The following PAX5 variants were observed in gnomAD, a reference collection of about 807,000 sequenced individuals.
PAX5 encodes paired box 5.
PAX5 carries 9 observed loss-of-function variants against 43.7 expected under a neutral mutation model. That is an observed-to-expected ratio of 0.21 (90% confidence interval 0.12 to 0.36). PAX5 has a LOEUF of 0.36. PAX5 is among the 10% of genes least tolerant of loss of function. PAX5 has a pLI of 1.00. For missense variants in PAX5, 383 were observed against 532.7 expected (o/e 0.72, Z 2.77); for synonymous variants, 228 against 214.3 (o/e 1.06, Z -0.56).
intron 3 of PAX5, among the ~76,000 whole-genome samples, chr9:37,011,786 A>G (rs959903094): frequency 1.2e-4 from 18 of 152,248 alleles, no homozygotes; most frequent in Admixed American, 5.9e-4. Flanking sequence ...CCCTGTGGCT[A>G]TAAGAATAGC....
At chr9:37,020,872 G>C in intron 1 of PAX5, 71 bp from the exon 2 acceptor site, 2 of 1,531,396 alleles carry the variant, frequency 1.3e-6, no homozygotes, top group Non-Finnish European at 1.8e-6. Flanking sequence ...AAGCACCGCT[G>C]TGAGGACCCA....
chr9:36,973,135 A>AAAGAAAAGGAAAGG (rs1564026797), intron 5 of PAX5, among the ~76,000 whole-genome samples: 7 of 74,748 alleles, frequency 9.4e-5, no homozygotes, highest in African/African-American at 3.8e-4. Flanking sequence ...GAAAGGAAAG[A>AAAGAAAAGGAAAGG]AAAGGAAAGG....
At chr9:36,881,144 A>G (rs1563926290) in intron 8 of PAX5, among the ~76,000 whole-genome samples, 1 of 152,330 alleles carries the variant, frequency 6.6e-6, no homozygotes, top group East Asian at 1.9e-4. Flanking sequence ...TCATTCCACA[A>G]TGCATACACT....
rs1026099516 is a variant in PAX5, at chr9:36,867,979, G to A, written c.1012+14025C>T. Among the ~76,000 whole-genome samples, 19 of 152,272 alleles carry A rather than the reference G, an allele frequency of 1.2e-4. No homozygotes were observed. In the East Asian group the frequency reaches 2.1e-3, roughly 17 times the overall value. ...TTGGGCTCCCCTTGCCTGTCACCCC[G>A]CGTTCCCGGCCCCGGGAGGACAATG... On this transcript the variant is annotated intron_variant, in intron 8 of 9. Coordinates refer to ENST00000358127, the MANE Select transcript of PAX5 (RefSeq NM_016734.3).
intron 5 of PAX5, among the ~76,000 whole-genome samples, chr9:36,987,729 G>A (rs1388236838): frequency 6.6e-6 from 1 of 152,208 alleles, no homozygotes; most frequent in Non-Finnish European, 1.5e-5. Flanking sequence ...AGCAGGAAAG[G>A]GGAAAGGGGC....
At chr9:36,968,810 C>T (rs1293574972) in intron 5 of PAX5, among the ~76,000 whole-genome samples, 1 of 152,216 alleles carries the variant, frequency 6.6e-6, no homozygotes, top group African/African-American at 2.4e-5. Context: ...GTCACCTAGA[C>T]TAGCAGGTAT....
chr9:36,889,950 G>C (rs923988626), intron 7 of PAX5, among the ~76,000 whole-genome samples: 47 of 140,960 alleles, frequency 3.3e-4, no homozygotes, highest in South Asian at 2.5e-4. Flanking sequence ...ACGGGGGGGG[G>C]GGGAATGTGA....
intron 1 of PAX5, among the ~76,000 whole-genome samples, chr9:37,023,221 A>C (rs1473367976): frequency 6.6e-6 from 1 of 152,204 alleles, no homozygotes; most frequent in African/African-American, 2.4e-5. Flanking sequence ...GGCCAAGAAA[A>C]GAAAGACGAA....
chr9:36,864,024 G>T (rs1173274728), intron 8 of PAX5, among the ~76,000 whole-genome samples: 1 of 152,340 alleles, frequency 6.6e-6, no homozygotes, highest in East Asian at 1.9e-4. Context: ...TAGAAGAATT[G>T]CTTGAACCCA....
At chr9:36,862,982 C>T (rs1036175391) in intron 8 of PAX5, among the ~76,000 whole-genome samples, 8 of 152,200 alleles carry the variant, frequency 5.3e-5, no homozygotes, top group Non-Finnish European at 1.0e-4. Flanking sequence ...CACCGGCTGA[C>T]TGGACAAGTG....
intron 6 of PAX5, among the ~76,000 whole-genome samples, chr9:36,938,754 A>T (rs548433851): frequency 3.9e-5 from 6 of 152,358 alleles, no homozygotes; most frequent in Admixed American, 3.3e-4. Flanking sequence ...GCTCACAAAG[A>T]GAAAAATCGT....
At chr9:36,921,835 C>T (rs1215199423) in intron 7 of PAX5, among the ~76,000 whole-genome samples, 1 of 152,226 alleles carries the variant, frequency 6.6e-6, no homozygotes, top group Non-Finnish European at 1.5e-5. Context: ...CAAGCCACCG[C>T]CCCTCCCTGA....
At chr9:36,955,776 A>T (rs1301938136) in intron 6 of PAX5, among the ~76,000 whole-genome samples, 13 of 73,764 alleles carry the variant, frequency 1.8e-4, no homozygotes, top group Admixed American at 1.2e-3. Context: ...GTTTCAAAAA[A>T]AAAAAAATAT....
chr9:36,987,018 A>G (rs985402097), intron 5 of PAX5, among the ~76,000 whole-genome samples: 5 of 152,166 alleles, frequency 3.3e-5, no homozygotes, highest in African/African-American at 1.2e-4. Flanking sequence ...GTGCCGAGCC[A>G]CGGATGGGCA....
chr9:37,004,156 T>A (rs765817399), intron 4 of PAX5, among the ~76,000 whole-genome samples: 1 of 152,232 alleles, frequency 6.6e-6, no homozygotes, highest in Non-Finnish European at 1.5e-5. Flanking sequence ...ATAGGGGCAG[T>A]GGTTGGTGAC....
At chr9:36,913,957 G>C (rs571922532) in intron 7 of PAX5, among the ~76,000 whole-genome samples, 2 of 152,288 alleles carry the variant, frequency 1.3e-5, no homozygotes, top group Admixed American at 1.3e-4. Context: ...TGAATGCCGT[G>C]TGGTGAAACA....
intron 5 of PAX5, among the ~76,000 whole-genome samples, chr9:36,967,570 T>G (rs748252631): frequency 6.6e-6 from 1 of 152,154 alleles, no homozygotes; most frequent in Non-Finnish European, 1.5e-5. Flanking sequence ...ATTGTTATGT[T>G]AAAAAATAAA....
Position 36,846,911 on chromosome 9 carries a change from C to T in PAX5, c.1031G>A (p.Ser344Asn), listed in dbSNP as rs1235847572. 8 of 1,613,690 alleles carry T rather than the reference C, an allele frequency of 5.0e-6. No homozygotes were observed. Among genetic ancestry groups the T allele is most frequent in the Middle Eastern group, 1.6e-4 (1 of 6,084 alleles). ...GMVPGSEFSG[S>N]PYSHPQYSSY... ...GGAATACTGAGGGTGGCTGTAGGGA[C>T]TCCCGGAAAACTCACTCCCTGTGTA... is the stretch of plus-strand genomic sequence containing the variant. The change falls in exon 9 of 10, where the codon AGT becomes AAT. Residue 344 changes from serine (S) to asparagine (N), a missense_variant. Coordinates refer to ENST00000358127, the MANE Select transcript of PAX5 (RefSeq NM_016734.3).
intron 7 of PAX5, among the ~76,000 whole-genome samples, chr9:36,888,268 A>ATTCC (rs1827072349): frequency 6.6e-6 from 1 of 152,272 alleles, no homozygotes; most frequent in Admixed American, 6.5e-5. Context: ...TCCTAGGTGT[A>ATTCC]CACCCCAGAG....
Sources: allele counts gnomAD v4.1 joint callset (sites outside exome capture counted in the v4.1 genomes callset), GRCh38; gene constraint gnomAD v4.1.1; transcripts MANE v1.5; gene names NCBI Gene and HGNC (gene_info 2026-07-23, HGNC 2026-07-21).